Variants in ZNF728 observed in about 807,000 individuals in gnomAD.
The protein encoded by ZNF728 is zinc finger protein 728.
Under a neutral mutation model 12.5 loss-of-function variants are expected in ZNF728, and 12 were observed. The observed-to-expected ratio is 0.96, with a 90% CI of 0.61 to 1.55. The LOEUF (loss-of-function observed/expected upper bound fraction) is 1.55, where lower values mean the gene tolerates loss of function less well. Ranked by LOEUF, ZNF728 falls within the 40% of genes most tolerant of loss-of-function variation. The pLI is 0.00. For missense variants in ZNF728, 692 were observed against 719.2 expected, an observed-to-expected ratio of 0.96 and a Z score of 0.43; for synonymous variants, 205 against 240.7, an observed-to-expected ratio of 0.85 and a Z score of 1.37.
At chr19:22,978,846 A>G (rs1282502323) in intron 3 of ZNF728, among the ~76,000 whole-genome samples, 2 of 152,254 alleles carry the variant, frequency 1.3e-5, no homozygotes, top group African/African-American at 4.8e-5. Context: ...TCAGAACCCC[A>G]TCTGAAGGTC....
At chr19:22,995,335 A>G (rs1405328471) in intron 1 of ZNF728, 1 of 152,234 alleles carries the variant, frequency 6.6e-6, no homozygotes, top group Non-Finnish European at 1.5e-5. Context: ...CAGCCAGAAA[A>G]TATCTCCCTA....
intron 1 of ZNF728, among the ~76,000 whole-genome samples, chr19:22,997,845 G>A (rs753886423): frequency 6.6e-5 from 10 of 151,560 alleles, no homozygotes; most frequent in Non-Finnish European, 1.3e-4. Flanking sequence ...ACTGAAGTCT[G>A]CTATGCACAT....
chr19:22,980,938 G>T (rs1399128970), intron 3 of ZNF728, among the ~76,000 whole-genome samples: 1 of 151,876 alleles, frequency 6.6e-6, no homozygotes, highest in Admixed American at 6.6e-5. Flanking sequence ...ATCTAAAATA[G>T]ACATGCTAAA....
intron 3 of ZNF728, among the ~76,000 whole-genome samples, chr19:22,981,082 A>G (rs1479671203): frequency 1.3e-5 from 2 of 149,502 alleles, no homozygotes; most frequent in Non-Finnish European, 3.0e-5. Context: ...AAAAAATTCA[A>G]TGAATCCAGG....
At position 22,975,499 on chromosome 19, in the gene ZNF728, A is replaced by G; in HGVS notation, c.1838T>C (p.Ile613Thr). 4 of 1,550,078 alleles carry G rather than the reference A, an allele frequency of 2.6e-6. No homozygotes were observed. Among genetic ancestry groups the G allele is most frequent in the Non-Finnish European group, 8.7e-7 (1 of 1,152,542 alleles). Reference protein sequence around the residue: ...QSSHLTTHKRIHTGGKTLQM With the variant: ...QSSHLTTHKRTHTGGKTLQM Reference sequence around the variant, plus strand: ...TTGTAGGGTTTTTCCTCCAGTATGAATTCTCTTATGAGTAGTAAGGTGTGA... The same window carrying G: ...TTGTAGGGTTTTTCCTCCAGTATGAGTTCTCTTATGAGTAGTAAGGTGTGA... The change falls in exon 4 of 4, where the codon ATT (isoleucine) becomes ACT (threonine). Residue 613 changes from isoleucine (I) to threonine (T), a missense_variant. Around this residue, in one of 3 missense-constraint regions of ZNF728, gnomAD observed 244 missense variants for 235.2 expected, o/e 1.04. Coordinates refer to ENST00000594710, the MANE Select transcript of ZNF728 (RefSeq NM_001267716.2).
chr19:22,988,697 A>G (rs1053366365), intron 1 of ZNF728, among the ~76,000 whole-genome samples: 2 of 152,234 alleles, frequency 1.3e-5, no homozygotes, highest in African/African-American at 2.4e-5. Context: ...ATAATAAAGT[A>G]TAAACTTGAG....
chr19:22,984,384 C>T (rs1380261247), intron 3 of ZNF728, among the ~76,000 whole-genome samples: 1 of 151,720 alleles, frequency 6.6e-6, no homozygotes. Context: ...CATAGTGAAA[C>T]CCTGTCTCTA....
intron 1 of ZNF728, among the ~76,000 whole-genome samples, chr19:23,000,887 CAAAA>C (rs150522126): frequency 2.4e-5 from 3 of 125,398 alleles, no homozygotes; most frequent in Admixed American, 8.4e-5. Flanking sequence ...AAAAAAAAAC[CAAAA>C]AAAAAAAAAC....
chr19:22,976,151 A>G lies in ZNF728; in HGVS notation c.1186T>C (p.Tyr396His), dbSNP rs766361240. 3.0e-5 allele frequency: 49 copies of G among 1,613,106 alleles called. No homozygotes were observed. The highest frequency in any genetic ancestry group is 4.2e-5 in the Non-Finnish European group (49 of 1,179,876). The change falls in exon 4 of 4, where the codon TAC (tyrosine) becomes CAC (histidine). Residue 396 changes from tyrosine (Y) to histidine (H), a missense_variant. Around this residue, in one of 3 missense-constraint regions of ZNF728, gnomAD observed 440 missense variants for 459.6 expected, o/e 0.96. Transcript: ENST00000594710. ...HKRIHAGDKPYKCEECGKTFK... is the reference protein window; with the variant it reads ...HKRIHAGDKPHKCEECGKTFK... ...GTTTTGCCACATTCTTCACATTTGT[A>G]AGGTTTGTCTCCAGCATGAATTCTC...
chr19:22,995,925 T>C (rs1248525300), intron 1 of ZNF728: 1 of 152,186 alleles, frequency 6.6e-6, no homozygotes, highest in Non-Finnish European at 1.5e-5. Flanking sequence ...AGAGCTATTA[T>C]GGTTTTTGGG....
At chr19:23,000,138 G>A (rs1465240124) in intron 1 of ZNF728, among the ~76,000 whole-genome samples, 1 of 152,112 alleles carries the variant, frequency 6.6e-6, no homozygotes, top group African/African-American at 2.4e-5. Flanking sequence ...TGGGGCCAAG[G>A]CAGGTGGATC....
intron 3 of ZNF728, among the ~76,000 whole-genome samples, chr19:22,980,216 A>C (rs1049087293): frequency 6.1e-5 from 9 of 147,094 alleles, no homozygotes; most frequent in Non-Finnish European, 1.4e-4. Context: ...AAAAAAAAAA[A>C]CAGGGGTTGC....
intron 1 of ZNF728, among the ~76,000 whole-genome samples, chr19:23,000,753 A>T (rs1448346407): frequency 6.6e-6 from 1 of 151,584 alleles, no homozygotes; most frequent in African/African-American, 2.4e-5. Context: ...CTGTAGTCCC[A>T]CCTACTTGGG....
At chr19:22,987,487 G>T in intron 2 of ZNF728, 84 bp from the exon 3 acceptor site, 3 of 1,226,776 alleles carry the variant, frequency 2.4e-6, no homozygotes, top group Non-Finnish European at 3.2e-6. Context: ...AAGAGGATGT[G>T]ATAGAATATT....
At chr19:22,997,041 A>C (rs1268244702) in intron 1 of ZNF728, among the ~76,000 whole-genome samples, 1 of 152,188 alleles carries the variant, frequency 6.6e-6, no homozygotes, top group Admixed American at 6.5e-5. Flanking sequence ...GAGACTTAGA[A>C]TCTGACACAG....
chr19:22,991,231 A>G (rs1599531736), intron 1 of ZNF728, among the ~76,000 whole-genome samples: 1 of 152,238 alleles, frequency 6.6e-6, no homozygotes, highest in Non-Finnish European at 1.5e-5. Flanking sequence ...GTACTAATGT[A>G]ATTTTTATTA....
At chr19:22,993,779 G>A (rs2145349865) in intron 1 of ZNF728, among the ~76,000 whole-genome samples, 1 of 152,292 alleles carries the variant, frequency 6.6e-6, no homozygotes, top group Non-Finnish European at 1.5e-5. Flanking sequence ...TGTGGCAATA[G>A]TGAACAGTTT....
chr19:22,989,051 C>CAA (rs68080575), intron 1 of ZNF728, among the ~76,000 whole-genome samples: 255 of 49,440 alleles, frequency 5.2e-3, no homozygotes, highest in Non-Finnish European at 7.2e-3. Context: ...AACTCCATCT[C>CAA]AAAAAAAAAA....
At position 22,988,461 on chromosome 19, in the gene ZNF728, A is replaced by G; in HGVS notation, c.4-10T>C. 6.2e-7 allele frequency: 1 copy of G among 1,613,196 alleles called. No individual in the cohort carries two copies. Among genetic ancestry groups the G allele is most frequent in the Non-Finnish European group, 8.5e-7 (1 of 1,179,712 alleles). On this transcript the variant is annotated splice_polypyrimidine_tract_variant and intron_variant, in intron 1 of 3. Transcript: ENST00000594710. ...GAAATGTCAACGATCCCTGGAAAAC[A>G]CACACAAACACACATATTTACCAAG...
Sources: gnomAD v4.1 joint callset for allele counts (sites outside exome capture counted in the v4.1 genomes callset) on GRCh38, gnomAD v4.1.1 for gene constraint, gnomAD v4.1.1 regional missense constraint, MANE v1.5 for transcripts, NCBI Gene and HGNC (gene_info 2026-07-23, HGNC 2026-07-21) for gene names.